TMEM161A: variants seen among roughly 807,000 people sequenced by gnomAD.
TMEM161A encodes the protein adaptive response to oxidative stress protein 29.
TMEM161A carries 46 observed loss-of-function variants against 57.1 expected under a neutral mutation model. The observed-to-expected ratio is 0.81, with a 90% CI of 0.64 to 1.03. The LOEUF (loss-of-function observed/expected upper bound fraction) is 1.03, where lower values mean the gene tolerates loss of function less well. Ranked by LOEUF, TMEM161A falls within the 50% of genes least tolerant of loss-of-function variation. The pLI is 0.00. For missense variants in TMEM161A, 601 were observed against 621.5 expected (o/e 0.97, Z 0.35); for synonymous variants, 288 against 279.0 (o/e 1.03, Z -0.32).
At position 19,121,498 on chromosome 19, in the gene TMEM161A, C is replaced by A. The variant is rs767184227; in HGVS notation, c.800+27G>T. 1.2e-6 allele frequency: 2 copies of A among 1,613,518 alleles called. No homozygotes were observed. The highest frequency in any genetic ancestry group is 3.3e-5 in the Admixed American group (2 of 60,000). ...GTCTCTCCCTTAAGCTCCCTAGTCC[C>A]CCCACCCACCAAGCGACCCACTTAA... On this transcript the variant is annotated intron_variant, in intron 8 of 11. Transcript: ENST00000162044. The surrounding 1 kb of genome is among the most constrained non-coding windows in gnomAD (Gnocchi z 5.8).
chr19:19,133,247 G>A (rs373441714), intron 2 of TMEM161A, 37 bp from the exon 3 acceptor site: 963 of 1,604,480 alleles, frequency 6.0e-4, no homozygotes, highest in Non-Finnish European at 7.3e-4. Context: ...AAGCTCAGGC[G>A]TGGGGTTGGG....
Position 19,132,982 on chromosome 19 carries a change from C to G in TMEM161A, c.188+148G>C. ...TGACCATCTCCTTGGACTAGGGTCT[C>G]CCGGTTCACCTGTGCCCAGATCAGC... On this transcript the variant is annotated intron_variant, in intron 3 of 11. Coordinates refer to ENST00000162044, the MANE Select transcript of TMEM161A (RefSeq NM_017814.3). This position sits in a 1 kb window ranked among gnomAD's most constrained non-coding sequence, Gnocchi z 4.3. 1.3e-6 allele frequency: 1 copy of G among 765,378 alleles called. No individual in the cohort carries two copies. The allele number at this position is 765,378 out of a possible 1,614,324, so 47.4% of individuals were successfully genotyped here. A position where few individuals can be genotyped will look rare whatever the true frequency, so the allele number is the denominator to read the frequency against.
In TMEM161A at chr19:19,119,891, A is replaced by T; in HGVS notation, c.*39T>A. 1.3e-6 allele frequency: 2 copies of T among 1,544,138 alleles called. No individual in the cohort carries two copies. Among genetic ancestry groups the T allele is most frequent in the South Asian group, 2.4e-5 (2 of 83,608 alleles). On this transcript the variant is annotated 3_prime_UTR_variant, in exon 12 of 12. Transcript: ENST00000162044. ...GGGCAGGCTAGTGTCCCGCTGCCCC[A>T]GGAACAGACCTCAGGGCCCCAGGAG...
intron 1 of TMEM161A, among the ~76,000 whole-genome samples, chr19:19,136,276 A>G (rs2059983981): frequency 6.6e-6 from 1 of 152,196 alleles, no homozygotes; most frequent in African/African-American, 2.4e-5. Flanking sequence ...AATTATGAAA[A>G]TAATCCTTTA....
chr19:19,128,293 G>A lies in TMEM161A; in HGVS notation c.595+1863C>T, dbSNP rs573334937. ...GTCGCCCAGGCTGGAGTGCAGTGGC[G>A]CGATCTCAGCTCACTGCAAGCTCCG... On this transcript the variant is annotated intron_variant, in intron 6 of 11. Coordinates refer to ENST00000162044, the MANE Select transcript of TMEM161A (RefSeq NM_017814.3). Among the ~76,000 whole-genome samples the A allele has an allele frequency of 2.7e-5, 4 of 149,214 alleles. No individual in the cohort carries two copies. The South Asian group carries it at 6.4e-4, about 24-fold the overall frequency.
In TMEM161A at chr19:19,120,619, T is replaced by G. The variant is rs574913208; in HGVS notation, c.1186+146A>C. 21 of 732,950 alleles carry G rather than the reference T, an allele frequency of 2.9e-5. No individual in the cohort carries two copies. In the East Asian group the frequency reaches 5.8e-4, roughly 20 times the overall value. The allele number at this position is 732,950 out of a possible 1,614,324, so 45.4% of individuals were successfully genotyped here. ...AAGCCCCACTCCAGGCTCCGCTTCC[T>G]GCTCAGACCCTGCCTTACCACAGTC... On this transcript the variant is annotated intron_variant, in intron 11 of 11. Transcript: ENST00000162044.
intron 5 of TMEM161A, among the ~76,000 whole-genome samples, chr19:19,131,529 CA>C (rs2059958763): frequency 2.0e-5 from 3 of 151,564 alleles, no homozygotes; most frequent in Non-Finnish European, 4.4e-5. Flanking sequence ...CACACACACA[CA>C]CAATTTTTTG....
chr19:19,119,934 G>C lies in TMEM161A; in HGVS notation c.1436C>G (p.Ser479Cys). ...CCCAGGAGGGTCTGCAGGCAGCTAG[G>C]AGCCTGCCAAGTGCTGGTGGAAGTA... ...GLYFHQHLAG[S>C] is the part of the protein sequence containing the mutation. The change falls in exon 12 of 12, where the codon TCC (serine) becomes TGC (cysteine). Residue 479 changes from serine to cysteine, a missense_variant. Transcript: ENST00000162044. The C allele has an allele frequency of 6.4e-7, 1 of 1,555,364 alleles. No individual in the cohort carries two copies. The highest frequency in any genetic ancestry group is 8.7e-7 in the Non-Finnish European group (1 of 1,150,778).
chr19:19,120,166 GGCCCCAGGAATA>G lies in TMEM161A; in HGVS notation c.1192_1203del (p.Tyr398_Gly401del). 1 of 1,554,668 alleles carries G rather than the reference GGCCCCAGGAATA, an allele frequency of 6.4e-7. No individual in the cohort carries two copies. The highest frequency in any genetic ancestry group is 8.7e-7 in the Non-Finnish European group (1 of 1,148,062). On this transcript the variant is annotated inframe_deletion, in exon 12 of 12. Transcript: ENST00000162044. Reference sequence around the variant, plus strand: ...GGGGATAGTAGAGGAGCTGGGCCCAGGCCCCAGGAATAGCCTCCTAGGAGAAGAGGATGAAGC... The same window carrying G: ...GGGGATAGTAGAGGAGCTGGGCCCAGGCCTCCTAGGAGAAGAGGATGAAGC...
In TMEM161A at chr19:19,119,853, G is replaced by T; in HGVS notation, c.*77C>A. ...CCACCTTGCAGCTGGGGACACGGGG[G>T]CGCAAACAGAGGGGGCAGGCTAGTG... On this transcript the variant is annotated 3_prime_UTR_variant, in exon 12 of 12. Transcript: ENST00000162044. The T allele has an allele frequency of 6.7e-7, 1 of 1,494,268 alleles. No homozygotes were observed. Among genetic ancestry groups the T allele is most frequent in the Non-Finnish European group, 9.0e-7 (1 of 1,112,396 alleles). 92.6% of individuals were successfully genotyped at this position (1,494,268 alleles called of 1,614,324 possible). A position where few individuals can be genotyped will look rare whatever the true frequency, so the allele number is the denominator to read the frequency against.
At chr19:19,125,026 A>T (rs1285090232) in intron 6 of TMEM161A, among the ~76,000 whole-genome samples, 1 of 152,134 alleles carries the variant, frequency 6.6e-6, no homozygotes, top group African/African-American at 2.4e-5. Flanking sequence ...ATATAGCATT[A>T]AATGCTATAT....
chr19:19,129,661 A>T (rs75031662), intron 6 of TMEM161A, among the ~76,000 whole-genome samples: 6,410 of 152,240 alleles, frequency 0.042, 428 homozygotes, highest in East Asian at 0.34. Flanking sequence ...TAATCCCAGC[A>T]CTTGGGGAGG....
rs186924354 is a variant in TMEM161A, at chr19:19,119,606, C to T, written c.*324G>A. The T allele has an allele frequency of 9.9e-5, 35 of 354,700 alleles. No individual in the cohort carries two copies. The highest frequency in any genetic ancestry group is 6.4e-4 in the African/African-American group (31 of 48,400). 22.0% of individuals were successfully genotyped at this position (354,700 alleles called of 1,614,324 possible). ...CTGCACAAGCCCGAGTCCCAAACCA[C>T]TCAGACCCTGTTTGTAAAAATCGGC... On this transcript the variant is annotated 3_prime_UTR_variant, in exon 12 of 12. Transcript: ENST00000162044.
At chr19:19,120,438 C>T (rs76379250) in intron 11 of TMEM161A, among the ~76,000 whole-genome samples, 3,508 of 147,570 alleles carry the variant, frequency 0.024, 125 homozygotes, top group African/African-American at 0.082. Flanking sequence ...CCTGCCAAGA[C>T]GCAACCCCTC....
At chr19:19,122,791 A>ATT in intron 6 of TMEM161A, among the ~76,000 whole-genome samples, 1 of 152,022 alleles carries the variant, frequency 6.6e-6, no homozygotes, top group East Asian at 1.9e-4. Context: ...AAAGGAGCAA[A>ATT]TTCATATGAG....
intron 6 of TMEM161A, among the ~76,000 whole-genome samples, chr19:19,128,533 ATTTTT>A (rs755755153): frequency 3.6e-5 from 4 of 110,544 alleles, no homozygotes; most frequent in African/African-American, 1.4e-4. Context: ...CCTGGCCTAC[ATTTTT>A]TTTTTTTTTT....
chr19:19,121,860 A>G lies in TMEM161A; in HGVS notation c.596-41T>C. ...AGAGGACCGAGTAGAGTGAATTCCT[A>G]GGGTCTCTAAGGCCACTCTGTTCCC... On this transcript the variant is annotated intron_variant, in intron 6 of 11. Transcript: ENST00000162044. The surrounding 1 kb of genome is among the most constrained non-coding windows in gnomAD (Gnocchi z 5.8). 6.2e-7 allele frequency: 1 copy of G among 1,606,680 alleles called. No homozygotes were observed. Among genetic ancestry groups the G allele is most frequent in the Non-Finnish European group, 8.5e-7 (1 of 1,175,786 alleles).
Position 19,132,256 on chromosome 19 carries a change from A to G in TMEM161A, c.443+96T>C. ...CTAAGCTTGGGGAAGTTTGTGGCACAGCAGGTGAAAACTGCCACACCAGTT... is the reference window on the plus strand; with the variant it reads ...CTAAGCTTGGGGAAGTTTGTGGCACGGCAGGTGAAAACTGCCACACCAGTT... On this transcript the variant is annotated intron_variant, in intron 5 of 11. Coordinates refer to ENST00000162044, the MANE Select transcript of TMEM161A (RefSeq NM_017814.3). The surrounding 1 kb of genome is among the most constrained non-coding windows in gnomAD (Gnocchi z 4.3). 1 of 1,403,198 alleles carries G rather than the reference A, an allele frequency of 7.1e-7. No individual in the cohort carries two copies. The highest frequency in any genetic ancestry group is 9.7e-7 in the Non-Finnish European group (1 of 1,028,896). The allele number at this position is 1,403,198 out of a possible 1,614,324, so 86.9% of individuals were successfully genotyped here. A position where few individuals can be genotyped will look rare whatever the true frequency, so the allele number is the denominator to read the frequency against.
intron 6 of TMEM161A, among the ~76,000 whole-genome samples, chr19:19,129,836 C>A (rs2059948601): frequency 6.6e-6 from 1 of 151,154 alleles, no homozygotes; most frequent in Non-Finnish European, 1.5e-5. Context: ...ATGCAGGAGG[C>A]AGAGGTTGCA....
Sources: allele counts gnomAD v4.1 joint callset (sites outside exome capture counted in the v4.1 genomes callset), GRCh38; gene constraint gnomAD v4.1.1; non-coding constraint Gnocchi (gnomAD v3.1); transcripts MANE v1.5; gene names NCBI Gene and HGNC (gene_info 2026-07-23, HGNC 2026-07-21).